Variants in ADCY8 observed in about 807,000 individuals in gnomAD.
ADCY8 encodes adenylate cyclase type 8.
A neutral mutation model predicts 119.7 loss-of-function variants in ADCY8; 51 were observed. That is an observed-to-expected ratio of 0.43 (90% confidence interval 0.34 to 0.54). The LOEUF (loss-of-function observed/expected upper bound fraction) is 0.54, where lower values mean the gene tolerates loss of function less well. Among genes scored for constraint, ADCY8 ranks in the 20% least tolerant of loss-of-function variants. The probability of loss-of-function intolerance (pLI) is 0.03; values close to 1 mark genes in which losing one functional copy is unlikely to be tolerated. For missense variants in ADCY8, 1,383 were observed against 1,598.8 expected (o/e 0.87, Z 2.30); for synonymous variants, 665 against 651.0 (o/e 1.02, Z -0.33).
intron 8 of ADCY8, among the ~76,000 whole-genome samples, chr8:130,876,819 C>T (rs1818585989): frequency 6.6e-6 from 1 of 152,122 alleles, no homozygotes; most frequent in Non-Finnish European, 1.5e-5. Flanking sequence ...ATAACTCCTC[C>T]CTTGCAACCC....
intron 8 of ADCY8, among the ~76,000 whole-genome samples, chr8:130,879,889 C>A (rs919265636): frequency 4.6e-5 from 7 of 152,154 alleles, no homozygotes; most frequent in Non-Finnish European, 7.4e-5. Flanking sequence ...ACCCAAATCT[C>A]ATCTTGTAGC....
At chr8:130,916,853 TC>T (rs1186039051) in intron 5 of ADCY8, among the ~76,000 whole-genome samples, 4 of 152,224 alleles carry the variant, frequency 2.6e-5, no homozygotes, top group Non-Finnish European at 5.9e-5. Context: ...AAATCTCTGT[TC>T]GGGGCTCTCA....
chr8:130,858,849 G>T (rs887866269), intron 9 of ADCY8, among the ~76,000 whole-genome samples: 11 of 151,790 alleles, frequency 7.2e-5, no homozygotes, highest in African/African-American at 2.7e-4. Context: ...GCCCTCGGGG[G>T]CTCTTTTGTT....
In ADCY8 at chr8:130,992,413, A is replaced by AAC. The variant is rs775851387; in HGVS notation, c.961-1872_961-1871insGT. Among the ~76,000 whole-genome samples the AAC allele has an allele frequency of 1.6e-5, 2 of 125,066 alleles. 1 individual carries two copies. Among genetic ancestry groups the AAC allele is most frequent in the African/African-American group, 6.8e-5 (2 of 29,414 alleles). The allele number at this position is 125,066 out of a possible 152,430, so 82.0% of individuals were successfully genotyped here. A position where few individuals can be genotyped will look rare whatever the true frequency, so the allele number is the denominator to read the frequency against. Reference sequence around the variant, plus strand: ...TATATATATATATATATATATATATATATATATATATATATATTTGAGATA... The same window carrying AAC: ...TATATATATATATATATATATATATAACTATATATATATATATATTTGAGATA... On this transcript the variant is annotated intron_variant, in intron 1 of 17. Coordinates refer to ENST00000286355, the MANE Select transcript of ADCY8 (RefSeq NM_001115.3).
intron 3 of ADCY8, 142 bp downstream of exon 3, chr8:130,951,726 A>G: frequency 1.0e-6 from 1 of 979,316 alleles, no homozygotes. Context: ...TCTCTGATGA[A>G]TAATCACTAG....
Position 130,814,231 on chromosome 8 carries a change from C to T in ADCY8, c.2755-4G>A. ...CCAGGCGGGCTGTGTACTCCAGCTGCAGTACATGTGAGAGAAAGAGGAGAA... is the reference window on the plus strand; with the variant it reads ...CCAGGCGGGCTGTGTACTCCAGCTGTAGTACATGTGAGAGAAAGAGGAGAA... On this transcript the variant is annotated splice_region_variant and splice_polypyrimidine_tract_variant and intron_variant, in intron 13 of 17. Coordinates refer to ENST00000286355, the MANE Select transcript of ADCY8 (RefSeq NM_001115.3). 6.2e-7 allele frequency: 1 copy of T among 1,613,736 alleles called. No homozygotes were observed. The highest frequency in any genetic ancestry group is 2.2e-5 in the East Asian group (1 of 44,872).
chr8:130,808,038 A>C, intron 14 of ADCY8, among the ~76,000 whole-genome samples: 1 of 146,712 alleles, frequency 6.8e-6, no homozygotes, highest in African/African-American at 2.5e-5. Context: ...AGTATCAAGT[A>C]TTTGGTTATA....
intron 12 of ADCY8, among the ~76,000 whole-genome samples, chr8:130,828,302 G>A (rs780021179): frequency 1.6e-4 from 24 of 152,196 alleles, no homozygotes; most frequent in Non-Finnish European, 3.2e-4. Flanking sequence ...TCAAGGGAAG[G>A]CGTACTTGTG....
At chr8:130,849,855 A>G in intron 9 of ADCY8, 52 bp from the exon 10 acceptor site, 1 of 1,511,610 alleles carries the variant, frequency 6.6e-7, no homozygotes, top group Non-Finnish European at 9.1e-7. Flanking sequence ...TCTGAGCAAC[A>G]CTGAAATTCT....
At chr8:130,897,010 T>C (rs1337733730) in intron 7 of ADCY8, among the ~76,000 whole-genome samples, 1 of 152,106 alleles carries the variant, frequency 6.6e-6, no homozygotes, top group African/African-American at 2.4e-5. Flanking sequence ...ACACCGAGCC[T>C]TGGAGGGGAG....
At chr8:130,914,315 G>C (rs1358044506) in intron 5 of ADCY8, among the ~76,000 whole-genome samples, 2 of 152,162 alleles carry the variant, frequency 1.3e-5, no homozygotes, top group Non-Finnish European at 2.9e-5. Flanking sequence ...CCAGCTAATG[G>C]TGAGAGACTA....
chr8:130,939,140 CA>C (rs1238640285), intron 4 of ADCY8, among the ~76,000 whole-genome samples: 1 of 151,706 alleles, frequency 6.6e-6, no homozygotes, highest in East Asian at 1.9e-4. Flanking sequence ...CAACAAACAC[CA>C]AAAACAGCAA....
intron 1 of ADCY8, among the ~76,000 whole-genome samples, chr8:131,015,692 T>C (rs1265615476): frequency 2.0e-5 from 3 of 152,224 alleles, no homozygotes; most frequent in Non-Finnish European, 2.9e-5. Context: ...TCTAGTGATT[T>C]ATTTAAAAAA....
At chr8:130,953,441 G>T (rs1410012606) in intron 2 of ADCY8, among the ~76,000 whole-genome samples, 1 of 152,100 alleles carries the variant, frequency 6.6e-6, no homozygotes, top group Non-Finnish European at 1.5e-5. Context: ...TTCATATAAT[G>T]GACAGAATGA....
chr8:130,787,619 T>C (rs1251272539), intron 15 of ADCY8, among the ~76,000 whole-genome samples: 2 of 152,202 alleles, frequency 1.3e-5, no homozygotes, highest in African/African-American at 4.8e-5. Context: ...TGTAGTGATG[T>C]GTGTATGTCT....
At chr8:130,982,206 G>A (rs1296223580) in intron 2 of ADCY8, among the ~76,000 whole-genome samples, 1 of 152,174 alleles carries the variant, frequency 6.6e-6, no homozygotes, top group Non-Finnish European at 1.5e-5. Context: ...GGAGATCAGA[G>A]GCCATTAACG....
chr8:130,867,251 A>G (rs1818159814), intron 9 of ADCY8, among the ~76,000 whole-genome samples: 1 of 152,164 alleles, frequency 6.6e-6, no homozygotes. Flanking sequence ...CAGACTCTAG[A>G]GCTAGTCTTC....
intron 14 of ADCY8, among the ~76,000 whole-genome samples, chr8:130,812,786 A>T (rs1042293502): frequency 5.9e-5 from 9 of 152,344 alleles, no homozygotes; most frequent in African/African-American, 2.2e-4. Context: ...ATATACACAC[A>T]TATGTATGTA....
intron 2 of ADCY8, among the ~76,000 whole-genome samples, chr8:130,981,234 C>T (rs1822231114): frequency 6.6e-6 from 1 of 152,110 alleles, no homozygotes; most frequent in Non-Finnish European, 1.5e-5. Context: ...AATTATTTTA[C>T]CTCTTTTATA....
Sources: allele counts gnomAD v4.1 joint callset (sites outside exome capture counted in the v4.1 genomes callset), GRCh38; gene constraint gnomAD v4.1.1; transcripts MANE v1.5; gene names NCBI Gene and HGNC (gene_info 2026-07-23, HGNC 2026-07-21).